The following BCL11B variants were observed in gnomAD, a reference collection of about 807,000 sequenced individuals.
BCL11B encodes BCL11 transcription factor B.
Under a neutral mutation model 49.9 loss-of-function variants are expected in BCL11B, and 8 were observed. The observed-to-expected ratio is 0.16, with a 90% CI of 0.09 to 0.29. The LOEUF (loss-of-function observed/expected upper bound fraction) is 0.29, where lower values mean the gene tolerates loss of function less well. Among genes scored for constraint, BCL11B ranks in the 10% least tolerant of loss-of-function variants. The probability of loss-of-function intolerance (pLI) is 1.00; values close to 1 mark genes in which losing one functional copy is unlikely to be tolerated. For synonymous variants in BCL11B, 739 were observed against 637.4 expected (o/e 1.16, Z -2.40); for missense variants, 1,006 against 1,351.0 (o/e 0.74, Z 4.00).
In BCL11B at chr14:99,200,804, C is replaced by G. The variant is rs570296319; in HGVS notation, c.641-24609G>C. Among the ~76,000 whole-genome samples, 9 of 152,344 alleles carry G rather than the reference C, an allele frequency of 5.9e-5. No individual in the cohort carries two copies. In the East Asian group the frequency reaches 1.7e-3, roughly 29 times the overall value. ...AAGCTTCCAGAGGGCAGAGACTGCC[C>G]TGCGTGTGGCTCACCTCGGGGCCTG... is the stretch of plus-strand genomic sequence containing the variant. On this transcript the variant is annotated intron_variant, in intron 3 of 3. Transcript: ENST00000357195.
intron 2 of BCL11B, among the ~76,000 whole-genome samples, chr14:99,250,562 C>G (rs1396462692): frequency 6.6e-6 from 1 of 152,194 alleles, no homozygotes; most frequent in East Asian, 1.9e-4. Context: ...GAGCCCACTC[C>G]TAACAGATTC....
chr14:99,199,050 G>A (rs1450150004), intron 3 of BCL11B, among the ~76,000 whole-genome samples: 1 of 152,130 alleles, frequency 6.6e-6, no homozygotes, highest in Non-Finnish European at 1.5e-5. Context: ...AAACAGAAAG[G>A]AAGCATCACT....
intron 3 of BCL11B, among the ~76,000 whole-genome samples, chr14:99,230,838 G>C (rs1165415791): frequency 1.3e-5 from 2 of 152,110 alleles, no homozygotes; most frequent in Non-Finnish European, 2.9e-5. Context: ...TTTTTAAGAG[G>C]CTCCTTTTGA....
chr14:99,249,158 G>T (rs1041693127), intron 2 of BCL11B, among the ~76,000 whole-genome samples: 1 of 152,078 alleles, frequency 6.6e-6, no homozygotes, highest in African/African-American at 2.4e-5. Context: ...TCATTGCCCA[G>T]CCAGGAGCAG....
At chr14:99,250,965 C>T (rs962796553) in intron 2 of BCL11B, among the ~76,000 whole-genome samples, 3 of 151,990 alleles carry the variant, frequency 2.0e-5, no homozygotes, top group Non-Finnish European at 4.4e-5. Context: ...ACCATGTTAG[C>T]GGCACACACT....
chr14:99,218,084 G>A (rs1321323387), intron 3 of BCL11B, among the ~76,000 whole-genome samples: 25 of 23,854 alleles, frequency 1.0e-3, no homozygotes, highest in African/African-American at 4.3e-3. Flanking sequence ...TTTTTTTTTT[G>A]AGACAGAGTC....
chr14:99,237,028 A>G (rs1888519361), intron 2 of BCL11B, among the ~76,000 whole-genome samples: 1 of 150,060 alleles, frequency 6.7e-6, no homozygotes. Flanking sequence ...GCCTTCTCTC[A>G]TCATTTGTCT....
At chr14:99,216,430 G>A (rs536479039) in intron 3 of BCL11B, among the ~76,000 whole-genome samples, 1 of 152,324 alleles carries the variant, frequency 6.6e-6, no homozygotes, top group East Asian at 1.9e-4. Context: ...TCCGAGTCGG[G>A]ATTTGAACCC....
Position 99,262,217 on chromosome 14 carries a change from C to G in BCL11B, c.59-4378G>C, listed in dbSNP as rs1010212625. On this transcript the variant is annotated intron_variant, in intron 1 of 3. Transcript: ENST00000357195. The surrounding 1 kb of genome is among the most constrained non-coding windows in gnomAD (Gnocchi z 4.2). ...CCCCCACACACAGGGTGCCAAGGAC[C>G]CCGCCCTCCCTGGCCCATCTCTAAC... 2.0e-5 allele frequency among the ~76,000 whole-genome samples: 3 copies of G among 152,238 alleles called. No homozygotes were observed. Among genetic ancestry groups the G allele is most frequent in the Non-Finnish European group, 4.4e-5 (3 of 68,050 alleles).
At chr14:99,221,965 T>C (rs1023498810) in intron 3 of BCL11B, among the ~76,000 whole-genome samples, 26 of 152,220 alleles carry the variant, frequency 1.7e-4, no homozygotes, top group Admixed American at 9.8e-4. Context: ...TGATCTGGTT[T>C]CCCTGGCATA....
intron 3 of BCL11B, among the ~76,000 whole-genome samples, chr14:99,191,016 T>C (rs920790678): frequency 3.3e-5 from 5 of 152,276 alleles, no homozygotes; most frequent in Admixed American, 3.3e-4. Flanking sequence ...AGGAAGGCCT[T>C]TGATTCCACT....
rs1189800914 is a variant in BCL11B at position 99,228,093 on chromosome 14, T to A, written c.640+3252A>T. 6.6e-6 allele frequency among the ~76,000 whole-genome samples: 1 copy of A among 152,196 alleles called. No individual in the cohort carries two copies. The highest frequency in any genetic ancestry group is 1.5e-5 in the Non-Finnish European group (1 of 68,040). Reference sequence around the variant, plus strand: ...TGCAGATGCGGTAACAGGCACGCAATTAACCTGTGTGAAACACGTTTACAC... The same window carrying A: ...TGCAGATGCGGTAACAGGCACGCAAATAACCTGTGTGAAACACGTTTACAC... On this transcript the variant is annotated intron_variant, in intron 3 of 3. Transcript: ENST00000357195. The surrounding 1 kb of genome is among the most constrained non-coding windows in gnomAD (Gnocchi z 4.8).
At chr14:99,223,696 T>C (rs1283075398) in intron 3 of BCL11B, among the ~76,000 whole-genome samples, 2 of 152,178 alleles carry the variant, frequency 1.3e-5, no homozygotes, top group Non-Finnish European at 2.9e-5. Flanking sequence ...CTGGATAAAA[T>C]GAGAGTCAAA....
chr14:99,182,030 G>A (rs1356141867), intron 3 of BCL11B, among the ~76,000 whole-genome samples: 5 of 152,156 alleles, frequency 3.3e-5, no homozygotes, highest in South Asian at 2.1e-4. Context: ...ATTGGGCACC[G>A]CAGGGATCTA....
chr14:99,264,984 C>T (rs1022968683), intron 1 of BCL11B, among the ~76,000 whole-genome samples: 3 of 152,046 alleles, frequency 2.0e-5, no homozygotes, highest in Non-Finnish European at 4.4e-5. Context: ...TCCCTGGGAC[C>T]GGAAGGAAGC....
chr14:99,231,919 C>T lies in BCL11B; in HGVS notation c.428-362G>A, dbSNP rs2139892865. 6.6e-6 allele frequency among the ~76,000 whole-genome samples: 1 copy of T among 152,088 alleles called. No homozygotes were observed. Among genetic ancestry groups the T allele is most frequent in the South Asian group, 2.1e-4 (1 of 4,824 alleles). ...GGCCTCTGGAGCAATCAAATAGGTT[C>T]CATTTGGGGATTTGTTTCCAAAACT... On this transcript the variant is annotated intron_variant, in intron 2 of 3. Transcript: ENST00000357195. The surrounding 1 kb of genome is among the most constrained non-coding windows in gnomAD (Gnocchi z 8.1).
chr14:99,260,911 T>C (rs552719298), intron 1 of BCL11B, among the ~76,000 whole-genome samples: 2 of 151,798 alleles, frequency 1.3e-5, no homozygotes, highest in Admixed American at 1.3e-4. Flanking sequence ...AGCTGGGATC[T>C]CCACGTCCCA....
intron 3 of BCL11B, among the ~76,000 whole-genome samples, chr14:99,211,522 A>G (rs912980433): frequency 6.6e-6 from 1 of 152,166 alleles, no homozygotes; most frequent in Non-Finnish European, 1.5e-5. Context: ...ACACATGCAC[A>G]CTCACACATG....
chr14:99,251,930 T>C (rs1409334801), intron 2 of BCL11B, among the ~76,000 whole-genome samples: 3 of 152,234 alleles, frequency 2.0e-5, no homozygotes, highest in African/African-American at 7.2e-5. Context: ...TGTGTGACCT[T>C]CAGCAACTCC....
Sources: allele counts gnomAD v4.1 joint callset (sites outside exome capture counted in the v4.1 genomes callset), GRCh38; gene constraint gnomAD v4.1.1; non-coding constraint Gnocchi (gnomAD v3.1); transcripts MANE v1.5; gene names NCBI Gene and HGNC (gene_info 2026-07-23, HGNC 2026-07-21).